Variants in CCBE1 observed in about 807,000 individuals in gnomAD.
CCBE1 encodes collagen and calcium binding EGF domains 1.
Under a neutral mutation model 50.0 loss-of-function variants are expected in CCBE1, and 37 were observed. The ratio of observed to expected loss-of-function variants is 0.74; its 90% CI spans 0.57 to 0.97. CCBE1 has a LOEUF of 0.97. Ranked by LOEUF, CCBE1 falls within the 50% of genes least tolerant of loss-of-function variation. The probability of loss-of-function intolerance (pLI) is 0.00; values close to 1 mark genes in which losing one functional copy is unlikely to be tolerated. For missense variants in CCBE1, 538 were observed against 523.8 expected (o/e 1.03, Z -0.26); for synonymous variants, 234 against 203.7 (o/e 1.15, Z -1.27).
At chr18:59,667,738 T>A (rs2054375913) in intron 2 of CCBE1, among the ~76,000 whole-genome samples, 4 of 151,872 alleles carry the variant, frequency 2.6e-5, no homozygotes, top group Admixed American at 2.6e-4. Context: ...TTCCACAGAG[T>A]CAGCCTACAG....
chr18:59,572,296 G>T (rs892000648), intron 2 of CCBE1, among the ~76,000 whole-genome samples: 1 of 151,974 alleles, frequency 6.6e-6, no homozygotes, highest in Admixed American at 6.6e-5. Flanking sequence ...AATTTTATGG[G>T]TTTTTTTCCC....
At chr18:59,567,591 A>G (rs772561145) in intron 2 of CCBE1, among the ~76,000 whole-genome samples, 1 of 152,128 alleles carries the variant, frequency 6.6e-6, no homozygotes, top group Admixed American at 6.5e-5. Context: ...CTGCAACCCA[A>G]GTGGATCGGG....
rs1446206974 is a variant in CCBE1 at position 59,435,829 on chromosome 18, G to A, written c.*79C>T. 2 of 1,222,686 alleles carry A rather than the reference G, an allele frequency of 1.6e-6. No homozygotes were observed. The highest frequency in any genetic ancestry group is 1.5e-5 in the African/African-American group (1 of 67,102). 75.7% of individuals were successfully genotyped at this position (1,222,686 alleles called of 1,614,324 possible). On this transcript the variant is annotated 3_prime_UTR_variant, in exon 11 of 11. Transcript: ENST00000439986. ...AATGTATGTTTTCTAGGTCTCCAGT[G>A]GTCTTTCTTCTCTTTAGATGGTTTA...
At chr18:59,458,100 C>A (rs1373785493) in intron 5 of CCBE1, among the ~76,000 whole-genome samples, 1 of 151,988 alleles carries the variant, frequency 6.6e-6, no homozygotes, top group Non-Finnish European at 1.5e-5. Flanking sequence ...AGAATACCAT[C>A]ATCAATCTAG....
At chr18:59,577,448 C>T (rs1423243826) in intron 2 of CCBE1, among the ~76,000 whole-genome samples, 1 of 152,236 alleles carries the variant, frequency 6.6e-6, no homozygotes, top group Non-Finnish European at 1.5e-5. Flanking sequence ...GATGGCACTT[C>T]TGCTATTCCC....
At chr18:59,687,369 C>T (rs1353924557) in intron 2 of CCBE1, among the ~76,000 whole-genome samples, 2 of 151,812 alleles carry the variant, frequency 1.3e-5, no homozygotes, top group African/African-American at 2.4e-5. Context: ...TTTTTCACAA[C>T]TTCATCTCCG....
chr18:59,643,190 C>T (rs1391402418), intron 2 of CCBE1, among the ~76,000 whole-genome samples: 4 of 152,154 alleles, frequency 2.6e-5, no homozygotes, highest in South Asian at 2.1e-4. Context: ...TCCAATTGCA[C>T]GTTTCATGTT....
chr18:59,611,591 A>C (rs2053569438), intron 2 of CCBE1, among the ~76,000 whole-genome samples: 1 of 152,094 alleles, frequency 6.6e-6, no homozygotes, highest in African/African-American at 2.4e-5. Context: ...CTAAAAATAC[A>C]AAAAAATAGC....
At chr18:59,676,354 C>A (rs910646919) in intron 2 of CCBE1, among the ~76,000 whole-genome samples, 3 of 149,822 alleles carry the variant, frequency 2.0e-5, no homozygotes, top group East Asian at 1.9e-4. Context: ...AAGTGCCCAC[C>A]CATGGCAAGT....
chr18:59,682,663 G>GA lies in CCBE1; in HGVS notation c.212+13965dup, dbSNP rs113407153. On this transcript the variant is annotated intron_variant, in intron 2 of 10. Transcript: ENST00000439986. ...AGTAAGTATTCCTTAGCTATTAACT[G>GA]AAAAAAAGCAATTGTAGAATAAACC... 1.4e-3 allele frequency among the ~76,000 whole-genome samples: 212 copies of GA among 152,254 alleles called. 1 individual carries two copies. Among genetic ancestry groups the GA allele is most frequent in the African/African-American group, 4.9e-3 (204 of 41,554 alleles).
rs568776476 is a variant in CCBE1 at position 59,512,215 on chromosome 18, C to T, written c.213-31977G>A. Among the ~76,000 whole-genome samples the T allele has an allele frequency of 3.7e-4, 56 of 152,328 alleles. No individual in the cohort carries two copies. The South Asian group carries it at 0.01, about 28-fold the overall frequency. On this transcript the variant is annotated intron_variant, in intron 2 of 10. Transcript: ENST00000439986. ...AGAAGGGTGTGGTCCCTGGCTAGGGCTCCATCCCTGGGCCTGTGCCCAGGG... is the reference window on the plus strand; with the variant it reads ...AGAAGGGTGTGGTCCCTGGCTAGGGTTCCATCCCTGGGCCTGTGCCCAGGG...
intron 2 of CCBE1, among the ~76,000 whole-genome samples, chr18:59,572,306 C>T (rs570743256): frequency 2.0e-5 from 3 of 152,112 alleles, no homozygotes; most frequent in South Asian, 2.1e-4. Context: ...GTTTTTTTCC[C>T]CCTTGCCCTG....
intron 2 of CCBE1, among the ~76,000 whole-genome samples, chr18:59,658,347 AAAAAAAAATATAT>A (rs2054223522): frequency 2.9e-5 from 1 of 34,068 alleles, no homozygotes; most frequent in African/African-American, 1.3e-4. Context: ...AAAAAAAAAA[AAAAAAAAATATAT>A]ATATATATAT....
intron 2 of CCBE1, among the ~76,000 whole-genome samples, chr18:59,661,639 T>G (rs1043830326): frequency 6.6e-6 from 1 of 152,176 alleles, no homozygotes; most frequent in African/African-American, 2.4e-5. Flanking sequence ...ATAACCTTGT[T>G]TTATGTATAT....
At chr18:59,520,763 G>A (rs1914564486) in intron 2 of CCBE1, among the ~76,000 whole-genome samples, 1 of 152,158 alleles carries the variant, frequency 6.6e-6, no homozygotes, top group Non-Finnish European at 1.5e-5. Flanking sequence ...TTTGAGTTGA[G>A]CTGAATTTGG....
rs551204685 is a variant in CCBE1, at chr18:59,634,501, A to C, written c.212+62128T>G. Among the ~76,000 whole-genome samples, 10 of 152,312 alleles carry C rather than the reference A, an allele frequency of 6.6e-5. No homozygotes were observed. In the East Asian group the frequency reaches 1.9e-3, roughly 29 times the overall value. ...CTGCTCTCAAGCCAGGGCCTTTTGGACTGCCACAGATTATGACAGTTAAAT... is the reference window on the plus strand; with the variant it reads ...CTGCTCTCAAGCCAGGGCCTTTTGGCCTGCCACAGATTATGACAGTTAAAT... On this transcript the variant is annotated intron_variant, in intron 2 of 10. Coordinates refer to ENST00000439986, the MANE Select transcript of CCBE1 (RefSeq NM_133459.4).
At chr18:59,459,646 C>G (rs1371836994) in intron 5 of CCBE1, among the ~76,000 whole-genome samples, 1 of 152,130 alleles carries the variant, frequency 6.6e-6, no homozygotes, top group Non-Finnish European at 1.5e-5. Context: ...CTTAGAAAAA[C>G]CAAACAATGT....
At chr18:59,472,670 C>G (rs1912089522) in intron 3 of CCBE1, among the ~76,000 whole-genome samples, 1 of 152,328 alleles carries the variant, frequency 6.6e-6, no homozygotes, top group East Asian at 1.9e-4. Context: ...TGTGCATTCA[C>G]CATGAACCTA....
chr18:59,446,904 C>A (rs986682629), intron 7 of CCBE1, among the ~76,000 whole-genome samples: 3 of 152,182 alleles, frequency 2.0e-5, no homozygotes, highest in African/African-American at 7.2e-5. Flanking sequence ...CACTGCTAAG[C>A]AATGATAGCC....
Sources: allele counts gnomAD v4.1 joint callset (sites outside exome capture counted in the v4.1 genomes callset), GRCh38; gene constraint gnomAD v4.1.1; transcripts MANE v1.5; gene names NCBI Gene and HGNC (gene_info 2026-07-23, HGNC 2026-07-21).